The following HECTD4 variants were observed in gnomAD, a reference collection of about 807,000 sequenced individuals.
The protein encoded by HECTD4 is HECT domain E3 ubiquitin protein ligase 4, also known as probable E3 ubiquitin-protein ligase HECTD4.
Under a neutral mutation model 471.5 loss-of-function variants are expected in HECTD4, and 114 were observed. The ratio of observed to expected loss-of-function variants is 0.24; its 90% CI spans 0.21 to 0.28. The LOEUF (loss-of-function observed/expected upper bound fraction) is 0.28. Among genes scored for constraint, HECTD4 ranks in the 10% least tolerant of loss-of-function variants. The probability of loss-of-function intolerance (pLI) is 1.00; values close to 1 mark genes in which losing one functional copy is unlikely to be tolerated. For missense variants in HECTD4, 3,866 were observed against 5,651.5 expected (o/e 0.68, Z 10.13); for synonymous variants, 2,012 against 2,256.0 (o/e 0.89, Z 3.07).
intron 29 of HECTD4, among the ~76,000 whole-genome samples, chr12:112,244,480 T>C (rs1365736763): frequency 6.6e-6 from 1 of 152,198 alleles, no homozygotes; most frequent in African/African-American, 2.4e-5. Context: ...GCAATTCTCC[T>C]ACCTCAGCCT....
Position 112,190,867 on chromosome 12 carries a change from A to G in HECTD4, c.9391T>C (p.Ser3131Pro). 1.3e-6 allele frequency: 2 copies of G among 1,582,156 alleles called. No individual in the cohort carries two copies. The highest frequency in any genetic ancestry group is 1.7e-6 in the Non-Finnish European group (2 of 1,164,244). The change falls in exon 60 of 76, where the codon TCA becomes CCA. Residue 3131 changes from serine (S) to proline (P), a missense_variant. By Grantham distance (74) the Ser-to-Pro change is moderately conservative. This residue lies in a region of HECTD4 where 364 missense variants were observed against 413.2 expected (regional missense o/e 0.88). Coordinates refer to ENST00000682272, the MANE Select transcript of HECTD4 (RefSeq NM_001388303.1). ...TCGGACTTCCCTTCACTGTCCTCTG[A>G]TTTCCAGGACAGCAGCTGCTCTGCG... ...AFAEQLLSWK[S>P]EDSEGKSEDE... is the part of the protein sequence containing the mutation.
intron 4 of HECTD4, among the ~76,000 whole-genome samples, chr12:112,311,100 A>G (rs2035360599): frequency 1.3e-5 from 2 of 152,060 alleles, no homozygotes; most frequent in African/African-American, 2.4e-5. Context: ...CATCTCTACT[A>G]AAAATACAAA....
intron 44 of HECTD4, among the ~76,000 whole-genome samples, chr12:112,224,093 G>A (rs2033166836): frequency 6.6e-6 from 1 of 151,956 alleles, no homozygotes; most frequent in African/African-American, 2.4e-5. Context: ...CCTGAGTATA[G>A]TCTATGCCTC....
At chr12:112,233,170 G>T in intron 37 of HECTD4, 85 bp from the exon 38 acceptor site, 2 of 943,420 alleles carry the variant, frequency 2.1e-6, no homozygotes, top group Non-Finnish European at 3.3e-6. Flanking sequence ...CCCAGTCATG[G>T]TGAGGCCCTA....
At chr12:112,252,055 A>G (rs1171076337) in intron 23 of HECTD4, among the ~76,000 whole-genome samples, 1 of 152,302 alleles carries the variant, frequency 6.6e-6, no homozygotes, top group East Asian at 1.9e-4. Context: ...TACAGGTGTG[A>G]GCCACCACGC....
chr12:112,370,869 T>C (rs373309773), intron 1 of HECTD4, among the ~76,000 whole-genome samples: 6 of 152,348 alleles, frequency 3.9e-5, no homozygotes, highest in African/African-American at 1.4e-4. Flanking sequence ...TTCTCTCCTA[T>C]GCATTTGTCC....
In HECTD4 at chr12:112,188,524, C is replaced by T. The variant is rs181499971; in HGVS notation, c.9472+2262G>A. ...AGAGAAAGCTCATGTACGTGAGACA[C>T]GATTAGGGATCATGAACATCTAAAG... On this transcript the variant is annotated intron_variant, in intron 60 of 75. Transcript: ENST00000682272. The surrounding 1 kb of genome is among the most constrained non-coding windows in gnomAD (Gnocchi z 4.2). Among the ~76,000 whole-genome samples the T allele has an allele frequency of 2.0e-5, 3 of 152,258 alleles. No individual in the cohort carries two copies. Among genetic ancestry groups the T allele is most frequent in the African/African-American group, 4.8e-5 (2 of 41,548 alleles).
intron 2 of HECTD4, among the ~76,000 whole-genome samples, chr12:112,317,827 A>C (rs1051939137): frequency 6.6e-6 from 1 of 152,008 alleles, no homozygotes; most frequent in Non-Finnish European, 1.5e-5. Flanking sequence ...AAAGATACAA[A>C]AAATTAGCCA....
At chr12:112,244,149 T>C in intron 29 of HECTD4, 140 bp from the exon 30 acceptor site, 1 of 652,366 alleles carries the variant, frequency 1.5e-6, no homozygotes, top group East Asian at 2.9e-5. Context: ...CACAGCATAC[T>C]GATGGTTTTT....
Position 112,230,697 on chromosome 12 carries a change from G to C in HECTD4, c.6326C>G (p.Thr2109Arg). The C allele has an allele frequency of 6.2e-7, 1 of 1,610,386 alleles. No individual in the cohort carries two copies. The highest frequency in any genetic ancestry group is 1.1e-5 in the South Asian group (1 of 90,164). The part of the protein sequence containing the change: ...ESNAAQIWTT[T>R]AEKVLSRALM... ...CAACACTGCGCTAACCTTCTCTGCTGTTGTGGTCCATATTTGAGCAGCATT... is the reference window on the plus strand; with the variant it reads ...CAACACTGCGCTAACCTTCTCTGCTCTTGTGGTCCATATTTGAGCAGCATT... The change falls in exon 40 of 76, where the codon ACA becomes AGA. Residue 2109 changes from threonine (T) to arginine (R), a missense_variant. Coordinates refer to ENST00000682272, the MANE Select transcript of HECTD4 (RefSeq NM_001388303.1).
chr12:112,247,019 A>C lies in HECTD4; in HGVS notation c.4395T>G (p.Ala1465=). ...AACTCTTCACTAACGTCTTTGTTTTAGCCAGTGGGTGTGAGGGTTTCTGAA... is the reference window on the plus strand; with the variant it reads ...AACTCTTCACTAACGTCTTTGTTTTCGCCAGTGGGTGTGAGGGTTTCTGAA... ...SLIQKPSHPL[A]KTKTLVKSLM... is the part of the protein sequence containing the mutation. The change falls in exon 29 of 76, where the codon GCT becomes GCG. Residue 1465 remains alanine, a synonymous_variant. Transcript: ENST00000682272. 2.5e-6 allele frequency: 4 copies of C among 1,611,464 alleles called. No individual in the cohort carries two copies. The highest frequency in any genetic ancestry group is 3.4e-6 in the Non-Finnish European group (4 of 1,179,524).
intron 1 of HECTD4, among the ~76,000 whole-genome samples, chr12:112,329,372 T>C (rs1250709940): frequency 1.7e-5 from 1 of 59,168 alleles, no homozygotes; most frequent in Non-Finnish European, 2.8e-5. Flanking sequence ...GGTTTTTTGT[T>C]TTTTTTTTTT....
At chr12:112,372,751 T>C (rs563283040) in intron 1 of HECTD4, among the ~76,000 whole-genome samples, 2 of 151,770 alleles carry the variant, frequency 1.3e-5, no homozygotes, top group Non-Finnish European at 2.9e-5. Flanking sequence ...ATTATTATTA[T>C]TGTTATTTTT....
intron 60 of HECTD4, among the ~76,000 whole-genome samples, chr12:112,190,097 C>A (rs1384275610): frequency 1.3e-5 from 2 of 152,166 alleles, no homozygotes; most frequent in Non-Finnish European, 2.9e-5. Flanking sequence ...TGGAAAAATT[C>A]AAAAATATAG....
chr12:112,230,717 A>G lies in HECTD4; in HGVS notation c.6306T>C (p.Ala2102=). 1.2e-6 allele frequency: 2 copies of G among 1,611,302 alleles called. No homozygotes were observed. Among genetic ancestry groups the G allele is most frequent in the Admixed American group, 1.7e-5 (1 of 59,560 alleles). The change falls in exon 40 of 76, where the codon GCT becomes GCC. Residue 2102 remains alanine (A), a synonymous_variant. Coordinates refer to ENST00000682272, the MANE Select transcript of HECTD4 (RefSeq NM_001388303.1). ...HSLLMAPESN[A]AQIWTTTAEK... Reference sequence around the variant, plus strand: ...CTGCTGTTGTGGTCCATATTTGAGCAGCATTTGATTCAGGTGCCATGAGCA... The same window carrying G: ...CTGCTGTTGTGGTCCATATTTGAGCGGCATTTGATTCAGGTGCCATGAGCA...
Position 112,306,635 on chromosome 12 carries a change from A to G in HECTD4, c.1165-401T>C, listed in dbSNP as rs1184044528. Among the ~76,000 whole-genome samples the G allele has an allele frequency of 2.0e-5, 3 of 152,230 alleles. No homozygotes were observed. The East Asian group carries it at 5.8e-4, about 29-fold the overall frequency. On this transcript the variant is annotated intron_variant, in intron 6 of 75. Transcript: ENST00000682272. Reference sequence around the variant, plus strand: ...AAATGAATTTATGATAATTTTATTTAAAGGACAAGAACTGTGTCTTATTCA... The same window carrying G: ...AAATGAATTTATGATAATTTTATTTGAAGGACAAGAACTGTGTCTTATTCA...
chr12:112,270,087 T>C (rs1322366282), intron 12 of HECTD4, 140 bp downstream of exon 12: 2 of 755,606 alleles, frequency 2.6e-6, no homozygotes, highest in African/African-American at 1.8e-5. Flanking sequence ...ATGATAATTC[T>C]AACTCCAGGA....
At chr12:112,273,221 T>C (rs1054737906) in intron 11 of HECTD4, among the ~76,000 whole-genome samples, 1 of 152,202 alleles carries the variant, frequency 6.6e-6, no homozygotes, top group African/African-American at 2.4e-5. Flanking sequence ...GATTTTAATA[T>C]TAACTTAGTA....
chr12:112,375,143 T>C (rs1386428572), intron 1 of HECTD4, among the ~76,000 whole-genome samples: 1 of 152,226 alleles, frequency 6.6e-6, no homozygotes, highest in African/African-American at 2.4e-5. Context: ...TAGAATTTCA[T>C]AGAAATGGAG....
Sources: allele counts gnomAD v4.1 joint callset (sites outside exome capture counted in the v4.1 genomes callset), GRCh38; gene constraint gnomAD v4.1.1; regional missense constraint gnomAD v4.1.1; non-coding constraint Gnocchi (gnomAD v3.1); transcripts MANE v1.5; gene names NCBI Gene and HGNC (gene_info 2026-07-23, HGNC 2026-07-21).